Variants in DACH1 observed in about 807,000 individuals in gnomAD.
DACH1 encodes the protein dachshund family transcription factor 1.
In DACH1, 12 loss-of-function variants were observed where a neutral mutation model predicts 54.2. The ratio of observed to expected loss-of-function variants is 0.22; its 90% CI spans 0.14 to 0.36. DACH1 has a LOEUF of 0.36. DACH1 is among the 10% of genes least tolerant of loss of function. DACH1 has a pLI of 1.00. For missense variants in DACH1, 805 were observed against 929.8 expected (o/e 0.87, Z 1.75); for synonymous variants, 386 against 366.2 (o/e 1.05, Z -0.62).
At chr13:71,629,540 T>G (rs1388610735) in intron 3 of DACH1, among the ~76,000 whole-genome samples, 2 of 152,186 alleles carry the variant, frequency 1.3e-5, no homozygotes, top group Non-Finnish European at 2.9e-5. Context: ...AGACAGCTCT[T>G]GTGAAAATGA....
At chr13:71,709,764 T>C (rs1458771222) in intron 1 of DACH1, among the ~76,000 whole-genome samples, 2 of 152,186 alleles carry the variant, frequency 1.3e-5, no homozygotes, top group East Asian at 3.8e-4. Flanking sequence ...CTGTCCGCCA[T>C]TTCAGGAATC....
intron 3 of DACH1, among the ~76,000 whole-genome samples, chr13:71,616,034 G>T (rs1875737241): frequency 6.6e-6 from 1 of 152,040 alleles, no homozygotes; most frequent in Non-Finnish European, 1.5e-5. Context: ...AAGTAAGAAG[G>T]CAAAAATGTC....
intron 1 of DACH1, among the ~76,000 whole-genome samples, chr13:71,767,048 AT>A (rs957822343): frequency 1.3e-5 from 2 of 152,032 alleles, no homozygotes; most frequent in African/African-American, 2.4e-5. Context: ...TGCAACTGCC[AT>A]TTTTTCCCCA....
intron 1 of DACH1, among the ~76,000 whole-genome samples, chr13:71,732,905 A>G (rs1342513130): frequency 6.6e-6 from 1 of 152,088 alleles, no homozygotes; most frequent in East Asian, 1.9e-4. Flanking sequence ...TTATGGTCTG[A>G]TTCCAAACTC....
rs34080454 is a variant in DACH1 at position 71,632,416 on chromosome 13, ATTT to A, written c.965-1702_965-1700del. On this transcript the variant is annotated intron_variant, in intron 2 of 10. Coordinates refer to ENST00000613252, the MANE Select transcript of DACH1 (RefSeq NM_080759.6). Reference sequence around the variant, plus strand: ...AAGATAAATATCCCCAACCCCACCCATTTTTTTTTTTTTTTTTTTTACTGTGGC... The same window carrying A: ...AAGATAAATATCCCCAACCCCACCCATTTTTTTTTTTTTTTTTACTGTGGC... Among the ~76,000 whole-genome samples, 700 of 124,658 alleles carry A rather than the reference ATTT, an allele frequency of 5.6e-3. 4 individuals carry two copies. The highest frequency in any genetic ancestry group is 8.2e-3 in the Non-Finnish European group (471 of 57,574). The allele number at this position is 124,658 out of a possible 152,430, so 81.8% of individuals were successfully genotyped here. A position where few individuals can be genotyped will look rare whatever the true frequency, so the allele number is the denominator to read the frequency against.
intron 1 of DACH1, among the ~76,000 whole-genome samples, chr13:71,821,139 C>A (rs371672995): frequency 3.9e-4 from 60 of 152,326 alleles, no homozygotes; most frequent in African/African-American, 1.4e-3. Flanking sequence ...CCGCATTCAA[C>A]AGGGCTTGCC....
intron 3 of DACH1, among the ~76,000 whole-genome samples, chr13:71,612,091 T>C (rs530129116): frequency 6.6e-6 from 1 of 152,240 alleles, no homozygotes; most frequent in South Asian, 2.1e-4. Flanking sequence ...GGTAAGAACA[T>C]GGAAAGTGAT....
At chr13:71,487,466 T>TAA (rs910161945) in intron 7 of DACH1, among the ~76,000 whole-genome samples, 34 of 152,268 alleles carry the variant, frequency 2.2e-4, no homozygotes, top group African/African-American at 7.9e-4. Context: ...GTGATGTGGA[T>TAA]AACATTCCTA....
intron 3 of DACH1, among the ~76,000 whole-genome samples, chr13:71,583,698 G>A (rs751214281): frequency 1.3e-5 from 2 of 151,874 alleles, no homozygotes; most frequent in South Asian, 2.1e-4. Context: ...AAAATTAGCC[G>A]GACATGGTGG....
At chr13:71,771,330 T>G (rs1226839297) in intron 1 of DACH1, among the ~76,000 whole-genome samples, 1 of 149,666 alleles carries the variant, frequency 6.7e-6, no homozygotes, top group African/African-American at 2.4e-5. Context: ...AATAAATAAA[T>G]AAATAAATAA....
At chr13:71,686,304 C>T (rs1201685576) in intron 1 of DACH1, among the ~76,000 whole-genome samples, 3 of 152,122 alleles carry the variant, frequency 2.0e-5, no homozygotes, top group Non-Finnish European at 4.4e-5. Context: ...ATCCCAAACA[C>T]TAGGGAACTC....
At chr13:71,564,979 T>C (rs1219247486) in intron 4 of DACH1, among the ~76,000 whole-genome samples, 2 of 152,112 alleles carry the variant, frequency 1.3e-5, no homozygotes, top group Non-Finnish European at 2.9e-5. Context: ...TAGAGTGCAG[T>C]GGCACAATCT....
chr13:71,568,114 A>T (rs1222895669), intron 4 of DACH1, among the ~76,000 whole-genome samples: 1 of 152,066 alleles, frequency 6.6e-6, no homozygotes, highest in Non-Finnish European at 1.5e-5. Flanking sequence ...ATAAATAGCT[A>T]ATGTGATAGT....
chr13:71,444,114 T>C (rs1394547987), intron 10 of DACH1, among the ~76,000 whole-genome samples: 1 of 152,086 alleles, frequency 6.6e-6, no homozygotes, highest in East Asian at 1.9e-4. Context: ...ATTATAAAAA[T>C]AAACAGAACA....
chr13:71,619,540 T>C (rs1188265726), intron 3 of DACH1, among the ~76,000 whole-genome samples: 1 of 151,986 alleles, frequency 6.6e-6, no homozygotes, highest in Non-Finnish European at 1.5e-5. Flanking sequence ...CGTCAACATT[T>C]AGGTTCAACA....
At position 71,439,699 on chromosome 13, in the gene DACH1, T is replaced by C. The variant is rs962972251; in HGVS notation, c.*956A>G. ...CATTAATACTGTGACTCCAGACAAATATTTACATGCCTGCATGCGTTAAAA... is the reference window on the plus strand; with the variant it reads ...CATTAATACTGTGACTCCAGACAAACATTTACATGCCTGCATGCGTTAAAA... On this transcript the variant is annotated 3_prime_UTR_variant, in exon 11 of 11. Coordinates refer to ENST00000613252, the MANE Select transcript of DACH1 (RefSeq NM_080759.6). 1.3e-5 allele frequency: 2 copies of C among 152,370 alleles called. No homozygotes were observed. Among genetic ancestry groups the C allele is most frequent in the African/African-American group, 4.8e-5 (2 of 41,426 alleles). The allele number at this position is 152,370 out of a possible 1,614,324, so 9.4% of individuals were successfully genotyped here.
intron 1 of DACH1, among the ~76,000 whole-genome samples, chr13:71,852,905 A>G (rs1342359943): frequency 6.6e-6 from 1 of 152,190 alleles, no homozygotes; most frequent in African/African-American, 2.4e-5. Flanking sequence ...CAGCATATCA[A>G]TCCTAATTAG....
chr13:71,590,975 T>A (rs779393007), intron 3 of DACH1, among the ~76,000 whole-genome samples: 41 of 145,830 alleles, frequency 2.8e-4, no homozygotes, highest in Non-Finnish European at 5.4e-4. Flanking sequence ...GCCTCCCAGG[T>A]TCAAGCTATT....
At chr13:71,634,488 C>A (rs1877328859) in intron 2 of DACH1, among the ~76,000 whole-genome samples, 1 of 152,182 alleles carries the variant, frequency 6.6e-6, no homozygotes, top group Non-Finnish European at 1.5e-5. Flanking sequence ...TCAGTCTTTG[C>A]ATATTCTGTT....
Sources: allele counts gnomAD v4.1 joint callset (sites outside exome capture counted in the v4.1 genomes callset), GRCh38; gene constraint gnomAD v4.1.1; transcripts MANE v1.5; gene names NCBI Gene and HGNC (gene_info 2026-07-23, HGNC 2026-07-21).